PIK3CA: variants seen among roughly 807,000 people sequenced by gnomAD.
PIK3CA encodes phosphatidylinositol-4,5-bisphosphate 3-kinase catalytic subunit alpha, also known as phosphatidylinositol 4,5-bisphosphate 3-kinase catalytic subunit alpha isoform.
PIK3CA carries 27 observed loss-of-function variants against 138.2 expected under a neutral mutation model. The observed-to-expected ratio is 0.20, with a 90% CI of 0.14 to 0.27. PIK3CA has a LOEUF of 0.27. PIK3CA is among the 10% of genes least tolerant of loss of function. The probability of loss-of-function intolerance (pLI) is 1.00; values close to 1 mark genes in which losing one functional copy is unlikely to be tolerated. For missense variants in PIK3CA, 544 were observed against 1,277.4 expected, an observed-to-expected ratio of 0.43 and a Z score of 8.75; for synonymous variants, 358 against 413.2, an observed-to-expected ratio of 0.87 and a Z score of 1.62.
At chr3:179,177,217 T>A (rs1207125536) in intron 1 of PIK3CA, among the ~76,000 whole-genome samples, 2 of 152,194 alleles carry the variant, frequency 1.3e-5, no homozygotes, top group East Asian at 3.8e-4. Flanking sequence ...TTTATGGTAC[T>A]TTTGATAGAC....
intron 1 of PIK3CA, among the ~76,000 whole-genome samples, chr3:179,170,725 A>C (rs1386787041): frequency 6.6e-6 from 1 of 152,214 alleles, no homozygotes; most frequent in Non-Finnish European, 1.5e-5. Flanking sequence ...CAAAATTATG[A>C]AGTGACAAAT....
intron 6 of PIK3CA, among the ~76,000 whole-genome samples, chr3:179,206,024 T>A (rs1447234945): frequency 1.3e-5 from 2 of 151,512 alleles, no homozygotes; most frequent in African/African-American, 4.9e-5. Context: ...TAAACCACTG[T>A]AGGTCAGAAA....
At chr3:179,152,815 A>G (rs1232181907) in intron 1 of PIK3CA, among the ~76,000 whole-genome samples, 1 of 152,198 alleles carries the variant, frequency 6.6e-6, no homozygotes, top group Non-Finnish European at 1.5e-5. Context: ...TCAGAACCCC[A>G]TTCCACTGTC....
intron 6 of PIK3CA, among the ~76,000 whole-genome samples, 160 bp from the exon 7 acceptor site, chr3:179,209,435 T>G (rs1258402340): frequency 6.6e-6 from 1 of 152,212 alleles, no homozygotes; most frequent in Admixed American, 6.5e-5. Context: ...TTCATGTTTA[T>G]TAACTATTTG....
intron 1 of PIK3CA, among the ~76,000 whole-genome samples, chr3:179,186,577 C>G (rs1255871637): frequency 1.3e-5 from 2 of 152,160 alleles, no homozygotes; most frequent in South Asian, 4.1e-4. Context: ...TTTGAAGTTC[C>G]AAGTCACAAA....
intron 9 of PIK3CA, among the ~76,000 whole-genome samples, chr3:179,217,672 G>A (rs151018036): frequency 0.042 from 6,303 of 151,860 alleles, 140 homozygotes; most frequent in Non-Finnish European, 0.047. Flanking sequence ...ATTATTTTTC[G>A]TTTTCTAATA....
rs1724945722 is a variant in PIK3CA at position 179,220,701 on chromosome 3, A to C, written c.2016-285A>C. ...TCTTCATTTGATTATTTTTGTGCTC[A>C]ATTTCCTTTTTTCATGTTTTTATAT... On this transcript the variant is annotated intron_variant, in intron 13 of 20. Coordinates refer to ENST00000263967, the MANE Select transcript of PIK3CA (RefSeq NM_006218.4). The surrounding 1 kb of genome is among the most constrained non-coding windows in gnomAD (Gnocchi z 4.1). Among the ~76,000 whole-genome samples, 1 of 152,134 alleles carries C rather than the reference A, an allele frequency of 6.6e-6. No homozygotes were observed. The highest frequency in any genetic ancestry group is 1.5e-5 in the Non-Finnish European group (1 of 68,016).
At chr3:179,176,124 G>C (rs748678154) in intron 1 of PIK3CA, among the ~76,000 whole-genome samples, 7 of 152,096 alleles carry the variant, frequency 4.6e-5, no homozygotes, top group Non-Finnish European at 8.8e-5. Flanking sequence ...AAGGGACTTT[G>C]GGTCTCTTTA....
chr3:179,209,755 C>T (rs1370765378), intron 7 of PIK3CA, 55 bp downstream of exon 7: 2 of 920,892 alleles, frequency 2.2e-6, no homozygotes, highest in East Asian at 2.6e-5. Flanking sequence ...CCTGATTATA[C>T]CGCTGATTGA....
intron 1 of PIK3CA, among the ~76,000 whole-genome samples, chr3:179,171,102 A>G (rs750197339): frequency 2.0e-4 from 31 of 152,022 alleles, no homozygotes; most frequent in Middle Eastern, 6.8e-3. Context: ...ATGTTTTGCA[A>G]CTACAAAGGA....
At chr3:179,175,886 C>G (rs1331539021) in intron 1 of PIK3CA, among the ~76,000 whole-genome samples, 1 of 152,158 alleles carries the variant, frequency 6.6e-6, no homozygotes, top group Non-Finnish European at 1.5e-5. Flanking sequence ...TCCTCAAATG[C>G]ATGAAGATCC....
chr3:179,236,908 G>C lies in PIK3CA; in HGVS notation c.*2544G>C, dbSNP rs1725343356. ...CTGGGTACTTCAGTATCAGAGATCA[G>C]TTCTCGTGGTTTAGACAGTTCCTAT... is the stretch of plus-strand genomic sequence containing the variant. On this transcript the variant is annotated 3_prime_UTR_variant, in exon 21 of 21. Coordinates refer to ENST00000263967, the MANE Select transcript of PIK3CA (RefSeq NM_006218.4). The C allele has an allele frequency of 4.8e-6, 1 of 206,266 alleles. No homozygotes were observed. The highest frequency in any genetic ancestry group is 9.9e-6 in the Non-Finnish European group (1 of 100,976). The allele number at this position is 206,266 out of a possible 1,614,324, so 12.8% of individuals were successfully genotyped here.
chr3:179,186,517 T>C (rs1272391394), intron 1 of PIK3CA, among the ~76,000 whole-genome samples: 4 of 152,352 alleles, frequency 2.6e-5, no homozygotes, highest in Non-Finnish European at 4.4e-5. Flanking sequence ...TACTTTTTTC[T>C]TTAATAAATC....
At chr3:179,188,235 A>G (rs1235808826) in intron 1 of PIK3CA, among the ~76,000 whole-genome samples, 3 of 152,182 alleles carry the variant, frequency 2.0e-5, no homozygotes, top group Non-Finnish European at 4.4e-5. Context: ...CTCATTTGCT[A>G]CAGGTGTTGC....
intron 14 of PIK3CA, among the ~76,000 whole-genome samples, chr3:179,222,456 C>G (rs1238770674): frequency 6.6e-6 from 1 of 152,092 alleles, no homozygotes; most frequent in Admixed American, 6.6e-5. Context: ...AAAAAAGAAA[C>G]TAAATTTTAG....
chr3:179,149,589 T>C (rs1333024019), intron 1 of PIK3CA: 4 of 152,274 alleles, frequency 2.6e-5, no homozygotes, highest in Non-Finnish European at 5.9e-5. Flanking sequence ...ATTAGAGTTG[T>C]GATTTCATCT....
intron 1 of PIK3CA, among the ~76,000 whole-genome samples, chr3:179,164,714 A>G (rs1723372116): frequency 6.6e-6 from 1 of 152,088 alleles, no homozygotes; most frequent in South Asian, 2.1e-4. Context: ...ACTAAAAAAT[A>G]TAAAATTAGC....
At position 179,237,499 on chromosome 3, in the gene PIK3CA, T is replaced by G. The variant is rs1257580996; in HGVS notation, c.*3135T>G. The G allele has an allele frequency of 4.9e-6, 1 of 205,374 alleles. No individual in the cohort carries two copies. 12.7% of individuals were successfully genotyped at this position (205,374 alleles called of 1,614,324 possible). On this transcript the variant is annotated 3_prime_UTR_variant, in exon 21 of 21. Transcript: ENST00000263967. ...AAACAGCTGCTGATAAAGTATTTTG[T>G]GTAAAGTGTAGTTCTTATTAATCAG...
chr3:179,224,912 C>A (rs2108418510), intron 16 of PIK3CA, 91 bp downstream of exon 16: 1 of 858,650 alleles, frequency 1.2e-6, no homozygotes, highest in South Asian at 2.2e-5. Context: ...CTACTGAAAG[C>A]CATTTAAGGA....
Sources: gnomAD v4.1 joint callset for allele counts (sites outside exome capture counted in the v4.1 genomes callset) on GRCh38, gnomAD v4.1.1 for gene constraint, Gnocchi (gnomAD v3.1) non-coding constraint, MANE v1.5 for transcripts, NCBI Gene and HGNC (gene_info 2026-07-23, HGNC 2026-07-21) for gene names.